The following GALNT15 variants were observed in gnomAD, a reference collection of about 807,000 sequenced individuals.
The protein encoded by GALNT15 is UDP-GalNAc transferase T15.
In GALNT15, 67 loss-of-function variants were observed where a neutral mutation model predicts 66.8. That is an observed-to-expected ratio of 1.00 (90% CI 0.82 to 1.23). GALNT15 has a LOEUF of 1.23. Among genes scored for constraint, GALNT15 ranks in the 50% most tolerant of loss-of-function variants. The pLI is 0.00. For synonymous variants in GALNT15, 313 were observed against 311.5 expected, an observed-to-expected ratio of 1.00 and a Z score of -0.05; for missense variants, 827 against 804.3, an observed-to-expected ratio of 1.03 and a Z score of -0.34.
At chr3:16,178,489 A>T (rs2063435340) in intron 1 of GALNT15, among the ~76,000 whole-genome samples, 1 of 152,170 alleles carries the variant, frequency 6.6e-6, no homozygotes. Flanking sequence ...AACGGCCGCC[A>T]GCTTTGTGCG....
chr3:16,190,380 T>C (rs900142284), intron 1 of GALNT15, among the ~76,000 whole-genome samples: 1 of 152,166 alleles, frequency 6.6e-6, no homozygotes, highest in African/African-American at 2.4e-5. Context: ...GGCTGACGCC[T>C]GTAATCCCAG....
At chr3:16,185,616 G>A (rs1192508791) in intron 1 of GALNT15, among the ~76,000 whole-genome samples, 3 of 152,178 alleles carry the variant, frequency 2.0e-5, no homozygotes, top group Non-Finnish European at 2.9e-5. Context: ...AGGAATCAGC[G>A]TAGACAGTGC....
the GALNT15 span, among the ~76,000 whole-genome samples, chr3:16,239,224 C>G: frequency 6.6e-6 from 1 of 152,222 alleles, no homozygotes; most frequent in African/African-American, 2.4e-5. The surrounding 1 kb of genome is among the most constrained non-coding windows in gnomAD (Gnocchi z 5.2). Context: ...AGAGTCCTAG[C>G]AGCAAGGGTG....
At chr3:16,248,018 C>G in the GALNT15 span, among the ~76,000 whole-genome samples, 2 of 152,212 alleles carry the variant, frequency 1.3e-5, no homozygotes, top group African/African-American at 4.8e-5. This position sits in a 1 kb window ranked among gnomAD's most constrained non-coding sequence, Gnocchi z 4.9. Flanking sequence ...CTCCTAGCCG[C>G]AGTCCCACCT....
Position 16,222,697 on chromosome 3 carries a change from T to C in GALNT15, c.1712T>C (p.Ile571Thr). Reference sequence around the variant, plus strand: ...TTTGCTGTCAGGCAGGAGCAGGTGATTCTTCAGAACTGCACGGAGGAAGGC... The same window carrying C: ...TTTGCTGTCAGGCAGGAGCAGGTGACTCTTCAGAACTGCACGGAGGAAGGC... Reference protein sequence around the residue: ...LCFAVRQEQVILQNCTEEGLA... With the variant: ...LCFAVRQEQVTLQNCTEEGLA... Residue 571 changes from isoleucine (I) to threonine (T), a missense_variant, in exon 9 of 10, where the codon ATT becomes ACT. Ile to Thr is a moderately conservative substitution (Grantham distance 89). Transcript: ENST00000339732. 1 of 1,614,244 alleles carries C rather than the reference T, an allele frequency of 6.2e-7. No homozygotes were observed. The highest frequency in any genetic ancestry group is 8.5e-7 in the Non-Finnish European group (1 of 1,180,036).
At chr3:16,242,224 C>A in the GALNT15 span, among the ~76,000 whole-genome samples, 1 of 152,178 alleles carries the variant, frequency 6.6e-6, no homozygotes, top group Non-Finnish European at 1.5e-5. This position sits in a 1 kb window ranked among gnomAD's most constrained non-coding sequence, Gnocchi z 5.6. Flanking sequence ...GAAGCAGACC[C>A]CACTTATCAA....
At chr3:16,236,768 A>C (rs1418875575), downstream of GALNT15, among the ~76,000 whole-genome samples, 2 of 152,242 alleles carry the variant, frequency 1.3e-5, no homozygotes, top group Non-Finnish European at 2.9e-5. Flanking sequence ...TCAAATAATA[A>C]AACATTGACA....
chr3:16,228,555 C>T lies in GALNT15; in HGVS notation c.*1055C>T, dbSNP rs193154425. ...ACTTGGGAGGCTGAGGCAAGAGAAT[C>T]GCTTGAACCCAGGAGGCAGAGGTTG... is the stretch of plus-strand genomic sequence containing the variant. On this transcript the variant is annotated 3_prime_UTR_variant, in exon 10 of 10. Coordinates refer to ENST00000339732, the MANE Select transcript of GALNT15 (RefSeq NM_054110.5). 8.0e-4 allele frequency: 577 copies of T among 725,496 alleles called. No individual in the cohort carries two copies. Among genetic ancestry groups the T allele is most frequent in the African/African-American group, 4.4e-3 (224 of 51,034 alleles). The allele number at this position is 725,496 out of a possible 1,614,324, so 44.9% of individuals were successfully genotyped here.
the GALNT15 span, among the ~76,000 whole-genome samples, chr3:16,242,051 A>G: frequency 4.6e-5 from 7 of 152,056 alleles, no homozygotes; most frequent in Non-Finnish European, 1.5e-5. The surrounding 1 kb of genome is among the most constrained non-coding windows in gnomAD (Gnocchi z 5.6). Context: ...TGTCTCCGTC[A>G]TCTCTGTGGC....
At chr3:16,216,799 T>C (rs1574993501) in intron 6 of GALNT15, among the ~76,000 whole-genome samples, 1 of 152,314 alleles carries the variant, frequency 6.6e-6, no homozygotes, top group East Asian at 1.9e-4. Context: ...CGGAGGAAGG[T>C]CATGTACCAG....
At chr3:16,237,875 C>G in the GALNT15 span, among the ~76,000 whole-genome samples, 94,139 of 151,954 alleles carry the variant, frequency 0.62, 29,231 homozygotes, top group South Asian at 0.7. The surrounding 1 kb of genome is among the most constrained non-coding windows in gnomAD (Gnocchi z 4.2). Flanking sequence ...GACTGGTTTA[C>G]GCAATGGCCT....
intron 6 of GALNT15, among the ~76,000 whole-genome samples, chr3:16,213,655 A>T (rs2063842003): frequency 6.6e-6 from 1 of 152,122 alleles, no homozygotes. Flanking sequence ...GGCTCCAAAG[A>T]CAAGATTCCC....
intron 3 of GALNT15, among the ~76,000 whole-genome samples, chr3:16,206,360 C>T (rs1162870221): frequency 1.4e-5 from 2 of 145,956 alleles, no homozygotes; most frequent in African/African-American, 5.1e-5. Flanking sequence ...CCAGTCTGGG[C>T]GACAGAGTGA....
At chr3:16,190,683 T>C (rs945866540) in intron 1 of GALNT15, among the ~76,000 whole-genome samples, 47 of 151,802 alleles carry the variant, frequency 3.1e-4, no homozygotes, top group African/African-American at 1.1e-3. Context: ...CTGGCTTTTC[T>C]TAAAAGCATC....
chr3:16,246,411 C>T, the GALNT15 span, among the ~76,000 whole-genome samples: 7 of 149,842 alleles, frequency 4.7e-5, no homozygotes, highest in Non-Finnish European at 7.4e-5. Context: ...CTGCAACATC[C>T]GCCTCCCGGG....
rs760593445 is a variant in GALNT15, at chr3:16,211,053, C to T, written c.1080-71C>T. ...CCACTGGAGCTCCCACCTGGGAAGC[C>T]CCAGCCCCCAGCCTCGCCTGCTGTG... On this transcript the variant is annotated intron_variant, in intron 4 of 9. Coordinates refer to ENST00000339732, the MANE Select transcript of GALNT15 (RefSeq NM_054110.5). The surrounding 1 kb of genome is among the most constrained non-coding windows in gnomAD (Gnocchi z 4.3). The T allele has an allele frequency of 8.6e-7, 1 of 1,157,930 alleles. No individual in the cohort carries two copies. Among genetic ancestry groups the T allele is most frequent in the Non-Finnish European group, 1.3e-6 (1 of 771,396 alleles). The allele number at this position is 1,157,930 out of a possible 1,614,324, so 71.7% of individuals were successfully genotyped here.
At position 16,198,306 on chromosome 3, in the gene GALNT15, G is replaced by A. The variant is rs2063661432; in HGVS notation, c.707-2313G>A. Among the ~76,000 whole-genome samples the A allele has an allele frequency of 1.4e-5, 2 of 141,346 alleles. 1 individual carries two copies. Among genetic ancestry groups the A allele is most frequent in the South Asian group, 4.5e-4 (2 of 4,486 alleles). The allele number at this position is 141,346 out of a possible 152,430, so 92.7% of individuals were successfully genotyped here. A position where few individuals can be genotyped will look rare whatever the true frequency, so the allele number is the denominator to read the frequency against. On this transcript the variant is annotated intron_variant, in intron 2 of 9. Transcript: ENST00000339732. The stretch of plus-strand genomic sequence containing the variant: ...ACATACATATTTCAAATAGGGAAAA[G>A]GCGAAGAAGAGATAGGCAGAGGCCA...
the GALNT15 span, among the ~76,000 whole-genome samples, chr3:16,240,093 T>C: frequency 1.3e-5 from 2 of 152,222 alleles, no homozygotes; most frequent in Non-Finnish European, 2.9e-5. Flanking sequence ...CCGATACTCA[T>C]GAGGGCTGGG....
rs1417580344 is a variant in GALNT15, at chr3:16,211,745, T to G, written c.1197+504T>G. 6.6e-6 allele frequency among the ~76,000 whole-genome samples: 1 copy of G among 152,226 alleles called. No individual in the cohort carries two copies. The highest frequency in any genetic ancestry group is 1.5e-5 in the Non-Finnish European group (1 of 68,046). ...GCTTTTCTAGCATGATACTTGCTTTTTCATCACAGTATCCTCCGAAAACCC... is the reference window on the plus strand; with the variant it reads ...GCTTTTCTAGCATGATACTTGCTTTGTCATCACAGTATCCTCCGAAAACCC... On this transcript the variant is annotated intron_variant, in intron 5 of 9. Coordinates refer to ENST00000339732, the MANE Select transcript of GALNT15 (RefSeq NM_054110.5). The surrounding 1 kb of genome is among the most constrained non-coding windows in gnomAD (Gnocchi z 4.3).
Sources: gnomAD v4.1 joint callset for allele counts (sites outside exome capture counted in the v4.1 genomes callset) on GRCh38, gnomAD v4.1.1 for gene constraint, Gnocchi (gnomAD v3.1) non-coding constraint, MANE v1.5 for transcripts, NCBI Gene and HGNC (gene_info 2026-07-23, HGNC 2026-07-21) for gene names.